The following CEP128 variants were observed in gnomAD, a reference collection of about 807,000 sequenced individuals.
The protein encoded by CEP128 is centrosomal protein 128, also known as centrosomal protein 128kDa.
A neutral mutation model predicts 156.7 loss-of-function variants in CEP128; 132 were observed. That is an observed-to-expected ratio of 0.84 (90% CI 0.73 to 0.97). CEP128 has a LOEUF of 0.97. CEP128 is among the 50% of genes least tolerant of loss of function. The pLI, the probability that CEP128 is intolerant of heterozygous loss-of-function variation, is 0.00. For missense variants in CEP128, 1,252 were observed against 1,281.9 expected, an observed-to-expected ratio of 0.98 and a Z score of 0.36; for synonymous variants, 469 against 448.9, an observed-to-expected ratio of 1.04 and a Z score of -0.57.
downstream of CEP128, among the ~76,000 whole-genome samples, chr14:80,492,199 T>C (rs568701823): frequency 4.6e-5 from 7 of 152,220 alleles, no homozygotes; most frequent in Non-Finnish European, 1.0e-4. Context: ...TATAAGGTGA[T>C]GAAGGTGATA....
intron 2 of CEP128, among the ~76,000 whole-genome samples, chr14:80,948,537 G>T (rs958176007): frequency 2.6e-5 from 4 of 152,216 alleles, no homozygotes; most frequent in Admixed American, 1.3e-4. Context: ...ATGGAAAGGG[G>T]CTAGTGGAAT....
At chr14:80,952,917 A>T (rs920415866) in intron 2 of CEP128, among the ~76,000 whole-genome samples, 3 of 152,226 alleles carry the variant, frequency 2.0e-5, no homozygotes, top group African/African-American at 7.2e-5. Context: ...ACAATTCATT[A>T]TATGACACAA....
At chr14:80,877,992 T>A (rs1443231818) in intron 8 of CEP128, among the ~76,000 whole-genome samples, 1 of 151,972 alleles carries the variant, frequency 6.6e-6, no homozygotes, top group Non-Finnish European at 1.5e-5. Flanking sequence ...ACCAGAGAAG[T>A]GGCACCCCGC....
intron 19 of CEP128, among the ~76,000 whole-genome samples, chr14:80,696,014 T>C (rs1458815663): frequency 2.0e-5 from 3 of 152,096 alleles, no homozygotes; most frequent in Non-Finnish European, 2.9e-5. Flanking sequence ...AAACAAGAAA[T>C]GTGCCCTTCA....
At chr14:80,670,145 T>C (rs903867830) in intron 19 of CEP128, among the ~76,000 whole-genome samples, 7 of 152,146 alleles carry the variant, frequency 4.6e-5, no homozygotes, top group Non-Finnish European at 1.0e-4. Flanking sequence ...TCCACCCCCA[T>C]GATACAATCA....
chr14:80,683,212 T>G (rs1320349735), intron 19 of CEP128, among the ~76,000 whole-genome samples: 1 of 152,118 alleles, frequency 6.6e-6, no homozygotes, highest in East Asian at 1.9e-4. Flanking sequence ...ATCTGCTCTT[T>G]TCAACAGACC....
At position 80,772,278 on chromosome 14, in the gene CEP128, G is replaced by C. The variant is rs1019405812; in HGVS notation, c.2376+5604C>G. Among the ~76,000 whole-genome samples, 4 of 152,066 alleles carry C rather than the reference G, an allele frequency of 2.6e-5. No homozygotes were observed. The South Asian group carries it at 8.3e-4, about 32-fold the overall frequency. ...CCATGAGCAGAAAAGAAGATGAACA[G>C]AAGGGCAGAAGAATGGCAGAATGGT... On this transcript the variant is annotated intron_variant, in intron 16 of 24. Coordinates refer to ENST00000555265, the MANE Select transcript of CEP128 (RefSeq NM_152446.5).
chr14:80,518,532 G>C (rs1463977588), intron 23 of CEP128, among the ~76,000 whole-genome samples: 2 of 151,992 alleles, frequency 1.3e-5, no homozygotes, highest in Non-Finnish European at 2.9e-5. Flanking sequence ...CTGACTTTCT[G>C]CCTACTGTTT....
At chr14:80,865,673 A>C (rs750560803) in intron 8 of CEP128, among the ~76,000 whole-genome samples, 3 of 152,088 alleles carry the variant, frequency 2.0e-5, no homozygotes, top group Non-Finnish European at 4.4e-5. Flanking sequence ...GATTGCAAAA[A>C]ACTGACTTCC....
intron 19 of CEP128, among the ~76,000 whole-genome samples, chr14:80,658,169 A>C (rs1895254899): frequency 6.6e-6 from 1 of 152,236 alleles, no homozygotes. Flanking sequence ...TACAAGTTTT[A>C]AAAAGGTAAT....
chr14:80,613,727 T>C (rs1418940165), intron 19 of CEP128, among the ~76,000 whole-genome samples: 2 of 152,296 alleles, frequency 1.3e-5, no homozygotes, highest in Middle Eastern at 3.4e-3. Flanking sequence ...TATTTCTAAA[T>C]GTAAATTCTA....
intron 9 of CEP128, among the ~76,000 whole-genome samples, chr14:80,845,870 C>A (rs1310387557): frequency 6.6e-6 from 1 of 152,036 alleles, no homozygotes; most frequent in Admixed American, 6.6e-5. Flanking sequence ...AAACAGATGG[C>A]CTAGCATAAA....
intron 8 of CEP128, among the ~76,000 whole-genome samples, chr14:80,872,169 T>C (rs1317299752): frequency 6.6e-6 from 1 of 152,100 alleles, no homozygotes; most frequent in Non-Finnish European, 1.5e-5. Context: ...CCAAAAATAA[T>C]CAAATAACAT....
chr14:80,795,906 G>T (rs1268155098), intron 13 of CEP128, among the ~76,000 whole-genome samples: 2 of 152,084 alleles, frequency 1.3e-5, no homozygotes, highest in Non-Finnish European at 2.9e-5. Flanking sequence ...TTTCCTACTT[G>T]ACTATTCTGC....
intron 9 of CEP128, among the ~76,000 whole-genome samples, chr14:80,846,663 C>A (rs1886617887): frequency 6.6e-6 from 1 of 152,080 alleles, no homozygotes; most frequent in Non-Finnish European, 1.5e-5. Flanking sequence ...AAGTATATTG[C>A]AAGCATTTAA....
In CEP128 at chr14:80,526,885, C is replaced by T; in HGVS notation, c.3056G>A (p.Arg1019Lys). Residue 1019 changes from arginine to lysine, a missense_variant, in exon 23 of 25, where the codon AGA becomes AAA. By Grantham distance (26) the Arg-to-Lys change is conservative. Coordinates refer to ENST00000555265, the MANE Select transcript of CEP128 (RefSeq NM_152446.5). ...GAAAATTACTTTGAAACTTTTGGTT[C>T]TGTACTTGGTGTCATCTTGGTGATG... The part of the protein sequence containing the change: ...LQHHQDDTKY[R>K]TKSFKGDRTF... 1.9e-6 allele frequency: 3 copies of T among 1,599,114 alleles called. No homozygotes were observed. Among genetic ancestry groups the T allele is most frequent in the Non-Finnish European group, 1.7e-6 (2 of 1,168,820 alleles).
chr14:80,761,307 T>C (rs1899955235), intron 17 of CEP128, 130 bp downstream of exon 17: 1 of 656,398 alleles, frequency 1.5e-6, no homozygotes, highest in Non-Finnish European at 2.4e-6. Context: ...TTCTAAAAAA[T>C]GCAAAATGTT....
chr14:80,718,032 T>C (rs1215998363), intron 19 of CEP128, among the ~76,000 whole-genome samples: 2 of 152,126 alleles, frequency 1.3e-5, no homozygotes, highest in Admixed American at 1.3e-4. Flanking sequence ...TATATATGTT[T>C]TGTTTGTTTG....
intron 23 of CEP128, among the ~76,000 whole-genome samples, chr14:80,512,508 C>T (rs957601216): frequency 2.0e-5 from 3 of 151,754 alleles, no homozygotes; most frequent in African/African-American, 7.3e-5. Context: ...GGCAACAGAC[C>T]ATTGGGTCTT....
Sources: allele counts gnomAD v4.1 joint callset (sites outside exome capture counted in the v4.1 genomes callset), GRCh38; gene constraint gnomAD v4.1.1; transcripts MANE v1.5; gene names NCBI Gene and HGNC (gene_info 2026-07-23, HGNC 2026-07-21).